GPR78: variants seen among roughly 807,000 people sequenced by gnomAD.
The protein encoded by GPR78 is G protein-coupled receptor 78.
A neutral mutation model predicts 17.9 loss-of-function variants in GPR78; 29 were observed. That is an observed-to-expected ratio of 1.62 (90% CI 1.20 to 2.21). GPR78 has a LOEUF of 2.21. GPR78 is among the 30% of genes most tolerant of loss of function. The pLI, the probability that GPR78 is intolerant of heterozygous loss-of-function variation, is 0.00. For synonymous variants in GPR78, 349 were observed against 256.9 expected (o/e 1.36, Z -3.43); for missense variants, 649 against 530.5 (o/e 1.22, Z -2.19).
rs765831521 is a variant in GPR78, at chr4:8,581,031, G to C, written c.49G>C (p.Ala17Pro). Residue 17 changes from alanine to proline, a missense_variant, in exon 1 of 3, where the codon GCC (alanine) becomes CCC (proline). Coordinates refer to ENST00000382487, the MANE Select transcript of GPR78 (RefSeq NM_080819.5). ...GGCGGGTCTCCTGGTGATGGTACTG[G>C]CCGTGGCGCTGCTATCCAACGCACT... The part of the protein sequence containing the change: ...LLAGLLVMVL[A>P]VALLSNALVL... The C allele has an allele frequency of 3.7e-6, 6 of 1,601,216 alleles. No homozygotes were observed. Among genetic ancestry groups the C allele is most frequent in the Admixed American group, 1.7e-5 (1 of 59,240 alleles).
chr4:8,583,691 T>G (rs1346801065), intron 2 of GPR78, among the ~76,000 whole-genome samples: 1 of 113,192 alleles, frequency 8.8e-6, no homozygotes, highest in South Asian at 3.3e-4. Context: ...TTAGATATGT[T>G]GTTGGGTGGG....
rs1315469860 is a variant in GPR78, at chr4:8,587,784, GT to G, written c.*424del. On this transcript the variant is annotated 3_prime_UTR_variant, in exon 3 of 3. Transcript: ENST00000382487. ...TGTTGTGCAGCCCAGATGGACACCT[GT>G]TTCTCCAACCTGGTTATTAGCATTG... 1 of 205,540 alleles carries G rather than the reference GT, an allele frequency of 4.9e-6. No individual in the cohort carries two copies. Among genetic ancestry groups the G allele is most frequent in the Non-Finnish European group, 9.8e-6 (1 of 101,694 alleles). 12.7% of individuals were successfully genotyped at this position (205,540 alleles called of 1,614,324 possible).
intron 2 of GPR78, 72 bp from the exon 3 acceptor site, chr4:8,586,982 C>A: frequency 7.4e-7 from 1 of 1,359,986 alleles, no homozygotes; most frequent in Non-Finnish European, 1.0e-6. Context: ...GTTCTAGCAC[C>A]TTCCCCCGGA....
At position 8,588,514 on chromosome 4, in the gene GPR78, G is replaced by T. The variant is rs751381754; in HGVS notation, c.*1151G>T. The stretch of plus-strand genomic sequence containing the variant: ...GAGGTGTGTGTGTGAATGAGTGAGC[G>T]AGTGAATGAATGGACACGATTCTCT... On this transcript the variant is annotated 3_prime_UTR_variant, in exon 3 of 3. Coordinates refer to ENST00000382487, the MANE Select transcript of GPR78 (RefSeq NM_080819.5). 6.6e-6 allele frequency among the ~76,000 whole-genome samples: 1 copy of T among 152,244 alleles called. No homozygotes were observed. The highest frequency in any genetic ancestry group is 1.9e-4 in the East Asian group (1 of 5,198).
In GPR78 at chr4:8,580,778, C is replaced by A; in HGVS notation, c.-205C>A. The A allele has an allele frequency of 1.7e-6, 1 of 593,422 alleles. No individual in the cohort carries two copies. Among genetic ancestry groups the A allele is most frequent in the Non-Finnish European group, 2.9e-6 (1 of 345,212 alleles). The allele number at this position is 593,422 out of a possible 1,614,324, so 36.8% of individuals were successfully genotyped here. On this transcript the variant is annotated 5_prime_UTR_variant, in exon 1 of 3. Transcript: ENST00000382487. ...GGGCGGCCCCGGGCTGCTCCTGCTC[C>A]GCAGAGCTACGCCCTCCCCCCGGGT...
At chr4:8,586,893 G>A (rs1179648981) in intron 2 of GPR78, among the ~76,000 whole-genome samples, 161 bp from the exon 3 acceptor site, 1 of 152,198 alleles carries the variant, frequency 6.6e-6, no homozygotes, top group Admixed American at 6.5e-5. Context: ...ATTTTAGGAA[G>A]AGGAGCCCAA....
At chr4:8,585,620 C>T (rs1368328323) in intron 2 of GPR78, among the ~76,000 whole-genome samples, 3 of 152,196 alleles carry the variant, frequency 2.0e-5, no homozygotes, top group African/African-American at 4.8e-5. Context: ...TAACTGGATC[C>T]TCACCACAGC....
chr4:8,584,435 A>T (rs1713417235), intron 2 of GPR78, among the ~76,000 whole-genome samples: 1 of 152,242 alleles, frequency 6.6e-6, no homozygotes, highest in African/African-American at 2.4e-5. Flanking sequence ...CTCTGTGAAA[A>T]ATGTGGGTAC....
rs538876219 is a variant in GPR78, at chr4:8,581,340, C to T, written c.358C>T (p.Pro120Ser). 9 of 1,575,818 alleles carry T rather than the reference C, an allele frequency of 5.7e-6. No homozygotes were observed. In the Admixed American group the frequency reaches 1.4e-4, roughly 24 times the overall value. ...ACTGCGCTACGCCGGACGCCTGCGACCGCGCTATGCCGGCCTGCTGCTGGG... is the reference window on the plus strand; with the variant it reads ...ACTGCGCTACGCCGGACGCCTGCGATCGCGCTATGCCGGCCTGCTGCTGGG... ...FPLRYAGRLRPRYAGLLLGCA... is the reference protein window; with the variant it reads ...FPLRYAGRLRSRYAGLLLGCA... Residue 120 changes from proline (P) to serine (S), a missense_variant, in exon 1 of 3, where the codon CCG (proline) becomes TCG (serine). Physicochemically the swap from Pro to Ser is moderately conservative, Grantham distance 74. Coordinates refer to ENST00000382487, the MANE Select transcript of GPR78 (RefSeq NM_080819.5).
Position 8,581,396 on chromosome 4 carries a change from A to G in GPR78, c.414A>G (p.Ser138=). The G allele has an allele frequency of 6.3e-7, 1 of 1,585,562 alleles. No individual in the cohort carries two copies. Among genetic ancestry groups the G allele is most frequent in the South Asian group, 1.1e-5 (1 of 89,548 alleles). The change falls in exon 1 of 3, where the codon TCA becomes TCG. Residue 138 remains serine (S), a synonymous_variant. Transcript: ENST00000382487. ...GCAWGQSLAF[S]GAALGCSWLG... ...CCTGGGGACAGTCGCTGGCCTTCTC[A>G]GGCGCTGCACTTGGCTGCTCGTGGC...
At position 8,580,492 on chromosome 4, in the gene GPR78, C is replaced by G. The variant is rs1713224674; in HGVS notation, c.-491C>G. On this transcript the variant is annotated 5_prime_UTR_variant, in exon 1 of 3. Coordinates refer to ENST00000382487, the MANE Select transcript of GPR78 (RefSeq NM_080819.5). ...CACTGAGTGGCTCTTGCTGGCGTGT[C>G]AGCTGCGCGCGAACCAGGGCTGGGA... The G allele has an allele frequency of 1.3e-5, 2 of 156,790 alleles. No individual in the cohort carries two copies. The highest frequency in any genetic ancestry group is 2.0e-4 in the South Asian group (1 of 4,948). The allele number at this position is 156,790 out of a possible 1,614,324, so 9.7% of individuals were successfully genotyped here. A position where few individuals can be genotyped will look rare whatever the true frequency, so the allele number is the denominator to read the frequency against.
chr4:8,583,779 C>T (rs1413452106), intron 2 of GPR78, among the ~76,000 whole-genome samples: 1 of 152,182 alleles, frequency 6.6e-6, no homozygotes, highest in African/African-American at 2.4e-5. Context: ...CTCTCTCCTG[C>T]CTGCCAGGTT....
Position 8,588,515 on chromosome 4 carries a change from A to C in GPR78, c.*1152A>C, listed in dbSNP as rs9991798. Among the ~76,000 whole-genome samples, 2 of 152,194 alleles carry C rather than the reference A, an allele frequency of 1.3e-5. No individual in the cohort carries two copies. The highest frequency in any genetic ancestry group is 2.1e-4 in the South Asian group (1 of 4,836). The stretch of plus-strand genomic sequence containing the variant: ...AGGTGTGTGTGTGAATGAGTGAGCG[A>C]GTGAATGAATGGACACGATTCTCTC... On this transcript the variant is annotated 3_prime_UTR_variant, in exon 3 of 3. Transcript: ENST00000382487.
Position 8,587,072 on chromosome 4 carries a change from C to G in GPR78, c.801C>G (p.Pro267=). Reference sequence around the variant, plus strand: ...CCAACAGGCTGGCGGAGCTCGTGCCCTTCGTCACCGTGAACGCCCAGTGGG... The same window carrying G: ...CCAACAGGCTGGCGGAGCTCGTGCCGTTCGTCACCGTGAACGCCCAGTGGG... The part of the protein sequence containing the change: ...YVMTRLAELV[P]FVTVNAQWGI... Residue 267 remains proline, a synonymous_variant, in exon 3 of 3, where the codon CCC becomes CCG. Coordinates refer to ENST00000382487, the MANE Select transcript of GPR78 (RefSeq NM_080819.5). 6.2e-7 allele frequency: 1 copy of G among 1,612,042 alleles called. No homozygotes were observed. The highest frequency in any genetic ancestry group is 8.5e-7 in the Non-Finnish European group (1 of 1,179,210).
rs538081954 is a variant in GPR78, at chr4:8,588,941, A to G, written c.*1578A>G. The stretch of plus-strand genomic sequence containing the variant: ...GAGTGCAGTGGTGCAATCTCAGCTC[A>G]CTGCAGCCTCCACCTCCCATGCTCA... On this transcript the variant is annotated 3_prime_UTR_variant, in exon 3 of 3. Transcript: ENST00000382487. Among the ~76,000 whole-genome samples, 13 of 152,292 alleles carry G rather than the reference A, an allele frequency of 8.5e-5. 1 individual carries two copies. The South Asian group carries it at 2.7e-3, about 32-fold the overall frequency.
At chr4:8,582,351 C>T (rs554461289) in intron 1 of GPR78, among the ~76,000 whole-genome samples, 180 bp from the exon 2 acceptor site, 3 of 152,066 alleles carry the variant, frequency 2.0e-5, no homozygotes, top group South Asian at 4.1e-4. Flanking sequence ...ATTTCACCTA[C>T]AAAAAAGCAA....
At chr4:8,583,470 A>G (rs4235273) in intron 2 of GPR78, among the ~76,000 whole-genome samples, 31,040 of 152,024 alleles carry the variant, frequency 0.2, 3,731 homozygotes, top group East Asian at 0.41. Flanking sequence ...GCAGGAGGAT[A>G]CCCTGAAGGA....
rs531431553 is a variant in GPR78 at position 8,580,756 on chromosome 4, C to T, written c.-227C>T. 89 of 562,372 alleles carry T rather than the reference C, an allele frequency of 1.6e-4. No homozygotes were observed. Among genetic ancestry groups the T allele is most frequent in the Admixed American group, 3.1e-4 (9 of 28,882 alleles). The allele number at this position is 562,372 out of a possible 1,614,324, so 34.8% of individuals were successfully genotyped here. A position where few individuals can be genotyped will look rare whatever the true frequency, so the allele number is the denominator to read the frequency against. On this transcript the variant is annotated 5_prime_UTR_variant, in exon 1 of 3. Coordinates refer to ENST00000382487, the MANE Select transcript of GPR78 (RefSeq NM_080819.5). ...CACCGCGGTTGCGCTGCCTCCAGGG[C>T]GGCCCCGGGCTGCTCCTGCTCCGCA...
intron 2 of GPR78, among the ~76,000 whole-genome samples, chr4:8,585,242 G>A (rs1266809948): frequency 1.3e-5 from 2 of 152,172 alleles, no homozygotes; most frequent in Admixed American, 6.5e-5. Context: ...ACGTGAGCGA[G>A]CCCTCTTCTC....
Sources: allele counts gnomAD v4.1 joint callset (sites outside exome capture counted in the v4.1 genomes callset), GRCh38; gene constraint gnomAD v4.1.1; transcripts MANE v1.5; gene names NCBI Gene and HGNC (gene_info 2026-07-23, HGNC 2026-07-21).